Variants in RTF2 observed in about 807,000 individuals in gnomAD.
RTF2 encodes the protein UPF0549 protein C20orf43.
Under a neutral mutation model 38.0 loss-of-function variants are expected in RTF2, and 18 were observed. That is an observed-to-expected ratio of 0.47 (90% confidence interval 0.33 to 0.70). The LOEUF (loss-of-function observed/expected upper bound fraction) is 0.70. RTF2 is among the 30% of genes least tolerant of loss of function. The probability of loss-of-function intolerance (pLI) is 0.02; values close to 1 mark genes in which losing one functional copy is unlikely to be tolerated. For missense variants in RTF2, 311 were observed against 379.6 expected (o/e 0.82, Z 1.50); for synonymous variants, 126 against 137.1 (o/e 0.92, Z 0.57).
intron 5 of RTF2, among the ~76,000 whole-genome samples, chr20:56,512,385 G>A (rs986080465): frequency 3.3e-5 from 5 of 152,150 alleles, no homozygotes; most frequent in African/African-American, 1.2e-4. Context: ...CATAGACAAA[G>A]TGATGAAGAC....
chr20:56,510,516 C>T (rs143384385), intron 5 of RTF2, among the ~76,000 whole-genome samples: 1 of 152,304 alleles, frequency 6.6e-6, no homozygotes, highest in Non-Finnish European at 1.5e-5. Context: ...ACAGAAGTTT[C>T]ATAGACAAGA....
intron 5 of RTF2, among the ~76,000 whole-genome samples, chr20:56,491,224 A>G (rs1457216144): frequency 6.6e-6 from 1 of 152,204 alleles, no homozygotes; most frequent in Admixed American, 6.5e-5. Context: ...CTGGGTCTTC[A>G]AAACAGGCTG....
intron 5 of RTF2, among the ~76,000 whole-genome samples, chr20:56,500,582 A>T (rs73289047): frequency 0.011 from 1,734 of 152,270 alleles, 29 homozygotes; most frequent in African/African-American, 0.04. Flanking sequence ...CCTCCCCTGT[A>T]TAGAGACAGG....
intron 5 of RTF2, among the ~76,000 whole-genome samples, chr20:56,511,763 T>G (rs1359730525): frequency 6.6e-6 from 1 of 151,806 alleles, no homozygotes; most frequent in Non-Finnish European, 1.5e-5. Flanking sequence ...GAATGTCCAC[T>G]AGGGAGCAGG....
Position 56,473,370 on chromosome 20 carries a change from C to G in RTF2, c.139C>G (p.Pro47Ala). 6.2e-7 allele frequency: 1 copy of G among 1,612,764 alleles called. No homozygotes were observed. Among genetic ancestry groups the G allele is most frequent in the Non-Finnish European group, 8.5e-7 (1 of 1,178,900 alleles). The change falls in exon 2 of 9, where the codon CCA becomes GCA. Residue 47 changes from proline (P) to alanine (A), a missense_variant. By Grantham distance (27) the Pro-to-Ala change is conservative. Transcript: ENST00000357348. ...CTLSQEILRR[P>A]IVACELGRLY... is the part of the protein sequence containing the mutation. Reference sequence around the variant, plus strand: ...TCTAAGTCAGGAAATATTAAGACGACCAATAGTTGCCTGTGAACTTGGCAG... The same window carrying G: ...TCTAAGTCAGGAAATATTAAGACGAGCAATAGTTGCCTGTGAACTTGGCAG...
intron 5 of RTF2, among the ~76,000 whole-genome samples, chr20:56,486,033 A>G (rs1416139796): frequency 6.6e-6 from 1 of 152,076 alleles, no homozygotes; most frequent in Non-Finnish European, 1.5e-5. Context: ...ACTCCCGGGG[A>G]TGGAGAGATT....
At chr20:56,493,072 A>C (rs1983275215) in intron 5 of RTF2, among the ~76,000 whole-genome samples, 1 of 152,124 alleles carries the variant, frequency 6.6e-6, no homozygotes, top group African/African-American at 2.4e-5. Context: ...GCCACTCAGG[A>C]GGCTGAGGCA....
intron 1 of RTF2, among the ~76,000 whole-genome samples, chr20:56,469,088 T>C (rs1333111605): frequency 1.3e-5 from 2 of 152,178 alleles, no homozygotes; most frequent in Admixed American, 1.3e-4. Flanking sequence ...AGCTAGTAAA[T>C]GGCAGAGCCA....
intron 5 of RTF2, among the ~76,000 whole-genome samples, chr20:56,503,076 C>T (rs1009596662): frequency 3.9e-5 from 6 of 152,214 alleles, no homozygotes; most frequent in Non-Finnish European, 5.9e-5. Flanking sequence ...CGGGGTAATG[C>T]GGCCCCAAAA....
chr20:56,485,292 A>G (rs1006270219), intron 5 of RTF2, among the ~76,000 whole-genome samples: 5 of 152,208 alleles, frequency 3.3e-5, no homozygotes, highest in African/African-American at 1.2e-4. Flanking sequence ...CAGGAACAGC[A>G]TGTGCAAAAG....
intron 5 of RTF2, among the ~76,000 whole-genome samples, chr20:56,496,094 A>G (rs1983508661): frequency 6.6e-6 from 1 of 152,170 alleles, no homozygotes; most frequent in African/African-American, 2.4e-5. Flanking sequence ...CTAGAGAGGG[A>G]ACAAAAGCAG....
Position 56,518,068 on chromosome 20 carries a change from T to G in RTF2, c.743-19T>G. The G allele has an allele frequency of 6.3e-7, 1 of 1,598,358 alleles. No individual in the cohort carries two copies. The highest frequency in any genetic ancestry group is 8.5e-7 in the Non-Finnish European group (1 of 1,173,958). ...ATCTTTATCCCAACCCTGACAGTTT[T>G]GGCTCTTCATTTTTCTAGCAATGAA... On this transcript the variant is annotated intron_variant, in intron 8 of 8. Coordinates refer to ENST00000357348, the MANE Select transcript of RTF2 (RefSeq NM_016407.5).
rs568512420 is a variant in RTF2, at chr20:56,485,451, C to T, written c.477+1262C>T. Reference sequence around the variant, plus strand: ...CACACTGGGGCTTATGGATGTTATTCGAAGAGCAGCAGGAAGCCAGAAGGC... The same window carrying T: ...CACACTGGGGCTTATGGATGTTATTTGAAGAGCAGCAGGAAGCCAGAAGGC... On this transcript the variant is annotated intron_variant, in intron 5 of 8. Coordinates refer to ENST00000357348, the MANE Select transcript of RTF2 (RefSeq NM_016407.5). Among the ~76,000 whole-genome samples, 42 of 152,210 alleles carry T rather than the reference C, an allele frequency of 2.8e-4. No homozygotes were observed. In the South Asian group the frequency reaches 5.8e-3, roughly 21 times the overall value.
At chr20:56,496,872 T>G in intron 5 of RTF2, 1 of 1,551,850 alleles carries the variant, frequency 6.4e-7, no homozygotes. Flanking sequence ...GAGATGACTT[T>G]GACTTGTCTT....
chr20:56,490,427 G>A (rs1983046822), intron 5 of RTF2, among the ~76,000 whole-genome samples: 1 of 152,222 alleles, frequency 6.6e-6, no homozygotes, highest in Non-Finnish European at 1.5e-5. Context: ...TCTAAGGGAG[G>A]AGACCCAGAT....
intron 5 of RTF2, among the ~76,000 whole-genome samples, chr20:56,503,497 T>A (rs1311901307): frequency 6.6e-6 from 1 of 152,172 alleles, no homozygotes; most frequent in Admixed American, 6.5e-5. Context: ...TATTTAAAAA[T>A]CTAGTTGATG....
At chr20:56,487,099 G>A (rs908691623) in intron 5 of RTF2, among the ~76,000 whole-genome samples, 2 of 152,056 alleles carry the variant, frequency 1.3e-5, no homozygotes, top group Non-Finnish European at 2.9e-5. Flanking sequence ...TTTTTCTTAC[G>A]CCCATAATAG....
chr20:56,509,322 T>C (rs1410932748), intron 5 of RTF2, among the ~76,000 whole-genome samples: 1 of 152,030 alleles, frequency 6.6e-6, no homozygotes, highest in East Asian at 1.9e-4. Context: ...TGGTTATAAC[T>C]AAAAGGAAAA....
chr20:56,472,435 G>GAGGGCC, intron 1 of RTF2: 1 of 1,358,142 alleles, frequency 7.4e-7, no homozygotes, highest in Non-Finnish European at 1.0e-6. Context: ...AATGTCATTC[G>GAGGGCC]AGGGCCAGGG....
Sources: gnomAD v4.1 joint callset for allele counts (sites outside exome capture counted in the v4.1 genomes callset) on GRCh38, gnomAD v4.1.1 for gene constraint, MANE v1.5 for transcripts, NCBI Gene and HGNC (gene_info 2026-07-23, HGNC 2026-07-21) for gene names.